PYROXD1: variants seen among roughly 807,000 people sequenced by gnomAD.
PYROXD1 encodes the protein tRNA ligase complex-associated NAD(P)H dehydrogenase PYROXD1.
In PYROXD1, 42 loss-of-function variants were observed where a neutral mutation model predicts 62.0. The observed-to-expected ratio is 0.68, with a 90% CI of 0.53 to 0.88. PYROXD1 has a LOEUF of 0.88. Ranked by LOEUF, PYROXD1 falls within the 40% of genes least tolerant of loss-of-function variation. PYROXD1 has a pLI of 0.00. For synonymous variants in PYROXD1, 170 were observed against 206.4 expected (o/e 0.82, Z 1.51); for missense variants, 493 against 604.8 (o/e 0.82, Z 1.94).
intron 10 of PYROXD1, among the ~76,000 whole-genome samples, chr12:21,466,410 T>C (rs28886017): frequency 0.11 from 16,755 of 151,558 alleles, 1,001 homozygotes; most frequent in East Asian, 0.31. Flanking sequence ...TTCCTAGGTA[T>C]TTTATTCTCT....
rs779818561 is a variant in PYROXD1 at position 21,471,032 on chromosome 12, A to C, written c.*2278A>C. The stretch of plus-strand genomic sequence containing the variant: ...TAATAGCATGTGCCTCATTGTTCAG[A>C]AGATTAGCTTTAGGTCCTATTTTCA... On this transcript the variant is annotated 3_prime_UTR_variant, in exon 12 of 12. Coordinates refer to ENST00000240651, the MANE Select transcript of PYROXD1 (RefSeq NM_024854.5). The C allele has an allele frequency of 6.9e-6, 11 of 1,601,812 alleles. No individual in the cohort carries two copies. In the African/African-American group the frequency reaches 1.5e-4, roughly 22 times the overall value.
Position 21,467,601 on chromosome 12 carries a change from A to G in PYROXD1, c.1237A>G (p.Lys413Glu), listed in dbSNP as rs2137292781. The G allele has an allele frequency of 1.9e-6, 3 of 1,611,068 alleles. No individual in the cohort carries two copies. Among genetic ancestry groups the G allele is most frequent in the Admixed American group, 1.7e-5 (1 of 59,652 alleles). Residue 413 changes from lysine (K) to glutamate (E), a missense_variant, in exon 11 of 12, where the codon AAA becomes GAA. Transcript: ENST00000240651. ...CTTTGAACTGTTTGCTCATGTGACAAAATTTTTTAACTATAAGGTAAGATA... is the reference window on the plus strand; with the variant it reads ...CTTTGAACTGTTTGCTCATGTGACAGAATTTTTTAACTATAAGGTAAGATA... The part of the protein sequence containing the change: ...FSFELFAHVT[K>E]FFNYKVVLLG...
chr12:21,457,399 G>A (rs562865441), intron 7 of PYROXD1, among the ~76,000 whole-genome samples: 11 of 151,608 alleles, frequency 7.3e-5, no homozygotes, highest in African/African-American at 2.7e-4. Context: ...GTGACCAAAT[G>A]CCTTGTCAAT....
intron 4 of PYROXD1, among the ~76,000 whole-genome samples, chr12:21,450,782 C>G (rs576128629): frequency 6.6e-6 from 1 of 152,240 alleles, no homozygotes; most frequent in Admixed American, 6.5e-5. Flanking sequence ...AATTTAAGTT[C>G]ATATTATCAG....
chr12:21,443,917 T>C (rs1404905501), intron 2 of PYROXD1, among the ~76,000 whole-genome samples: 1 of 152,216 alleles, frequency 6.6e-6, no homozygotes, highest in Non-Finnish European at 1.5e-5. Flanking sequence ...GGAAAAATTA[T>C]AGCTATTAAT....
At chr12:21,450,120 G>GGCC (rs111255312) in intron 4 of PYROXD1, among the ~76,000 whole-genome samples, 8,642 of 151,396 alleles carry the variant, frequency 0.057, 323 homozygotes, top group African/African-American at 0.1. Flanking sequence ...CGCCCACCTA[G>GGCC]GCCTCCCAGA....
In PYROXD1 at chr12:21,456,035, T is replaced by G; in HGVS notation, c.690T>G (p.Asn230Lys). ...KEARSKSKAD[N>K]VGSALGPDWH... ...CTAGAAGCAAATCTAAAGCAGATAA[T>G]GTAGGAAGTGCATTGGGACCAGATT... The change falls in exon 7 of 12, where the codon AAT (asparagine) becomes AAG (lysine). Residue 230 changes from asparagine (N) to lysine (K), a missense_variant. By Grantham distance (94) the Asn-to-Lys change is moderately conservative (BLOSUM62 0). Transcript: ENST00000240651. 1.2e-6 allele frequency: 2 copies of G among 1,611,882 alleles called. No homozygotes were observed. The highest frequency in any genetic ancestry group is 1.7e-6 in the Non-Finnish European group (2 of 1,178,826).
Position 21,455,186 on chromosome 12 carries a change from G to A in PYROXD1, c.543G>A (p.Gly181=), listed in dbSNP as rs765016883. ...GGGCCATTAAAGATAAAGCTATAGGGAATACTTTCTTCGATGCAGGAGCAG... is the reference window on the plus strand; with the variant it reads ...GGGCCATTAAAGATAAAGCTATAGGAAATACTTTCTTCGATGCAGGAGCAG... ...VIWAIKDKAI[G]NTFFDAGAAE... is the part of the protein sequence containing the mutation. The change falls in exon 6 of 12, where the codon GGG becomes GGA. Residue 181 remains glycine, a synonymous_variant. Transcript: ENST00000240651. The A allele has an allele frequency of 7.6e-6, 12 of 1,568,804 alleles. No homozygotes were observed.
In PYROXD1 at chr12:21,437,809, G is replaced by A. The variant is rs1366663357; in HGVS notation, c.79G>A (p.Glu27Lys). Reference sequence around the variant, plus strand: ...CGGCATCGCGGGCGTCACTTGTGCGGAGCAGGTAGGGCGGTGCTCAGGCGG... The same window carrying A: ...CGGCATCGCGGGCGTCACTTGTGCGAAGCAGGTAGGGCGGTGCTCAGGCGG... ...GGGIAGVTCA[E>K]QLATHFPSED... Residue 27 changes from glutamate to lysine, a missense_variant, in exon 1 of 12, where the codon GAG becomes AAG. Around this residue, in one of 2 missense-constraint regions of PYROXD1, gnomAD observed 164 missense variants for 158.2 expected, o/e 1.04. Coordinates refer to ENST00000240651, the MANE Select transcript of PYROXD1 (RefSeq NM_024854.5). 22 of 1,612,396 alleles carry A rather than the reference G, an allele frequency of 1.4e-5. No individual in the cohort carries two copies. Among genetic ancestry groups the A allele is most frequent in the Non-Finnish European group, 1.6e-5 (19 of 1,179,554 alleles).
At chr12:21,441,094 C>T (rs7131777) in intron 2 of PYROXD1, 74,823 of 152,020 alleles carry the variant, frequency 0.49, 18,480 homozygotes, top group Middle Eastern at 0.58. Context: ...ACGATCTTGG[C>T]TCACTGCAAG....
rs1028300387 is a variant in PYROXD1 at position 21,445,044 on chromosome 12, A to G, written c.166-303A>G. On this transcript the variant is annotated intron_variant, in intron 2 of 11. Transcript: ENST00000240651. Reference sequence around the variant, plus strand: ...AGCTTGAAGGATAAGGAAATAAATAAGCTGTTTGGCTAAACTGTAGAAATG... The same window carrying G: ...AGCTTGAAGGATAAGGAAATAAATAGGCTGTTTGGCTAAACTGTAGAAATG... 3.5e-4 allele frequency among the ~76,000 whole-genome samples: 53 copies of G among 152,204 alleles called. 1 individual carries two copies. Among genetic ancestry groups the G allele is most frequent in the Admixed American group, 2.2e-3 (34 of 15,282 alleles).
chr12:21,438,835 G>A (rs1350245312), intron 1 of PYROXD1, among the ~76,000 whole-genome samples: 1 of 152,086 alleles, frequency 6.6e-6, no homozygotes, highest in Non-Finnish European at 1.5e-5. Context: ...CATATATGAT[G>A]CAGGCACCGT....
At chr12:21,455,712 A>C (rs2137269383) in intron 6 of PYROXD1, among the ~76,000 whole-genome samples, 1 of 152,010 alleles carries the variant, frequency 6.6e-6, no homozygotes, top group Non-Finnish European at 1.5e-5. Flanking sequence ...AAAATTATAA[A>C]AATTTGAAGG....
chr12:21,456,947 A>G, intron 7 of PYROXD1: 1 of 438,208 alleles, frequency 2.3e-6, no homozygotes, highest in Non-Finnish European at 4.5e-6. Context: ...ACAACAACTC[A>G]TCTTTTCAAA....
chr12:21,462,993 A>T, intron 10 of PYROXD1, 131 bp downstream of exon 10: 1 of 721,214 alleles, frequency 1.4e-6, no homozygotes, highest in Non-Finnish European at 2.1e-6. Context: ...CAGTTGTTAT[A>T]TATATTTAAA....
At chr12:21,458,843 C>T (rs1273413653) in intron 7 of PYROXD1, among the ~76,000 whole-genome samples, 1 of 152,012 alleles carries the variant, frequency 6.6e-6, no homozygotes, top group African/African-American at 2.4e-5. Flanking sequence ...TCACAGATCA[C>T]CATAAAAGAT....
At chr12:21,440,856 GTTT>G (rs1216993878) in intron 2 of PYROXD1, among the ~76,000 whole-genome samples, 1 of 152,000 alleles carries the variant, frequency 6.6e-6, no homozygotes, top group Non-Finnish European at 1.5e-5. Flanking sequence ...TAATTGTTGG[GTTT>G]TTATTATGAA....
At chr12:21,452,966 A>G in intron 5 of PYROXD1, among the ~76,000 whole-genome samples, 1 of 152,016 alleles carries the variant, frequency 6.6e-6, no homozygotes, top group Middle Eastern at 3.2e-3. Context: ...AGCCTGTAAG[A>G]GTTCTTAAAT....
At chr12:21,442,244 G>T (rs928168384) in intron 2 of PYROXD1, among the ~76,000 whole-genome samples, 1 of 152,174 alleles carries the variant, frequency 6.6e-6, no homozygotes, top group Non-Finnish European at 1.5e-5. Context: ...AGGCATACAC[G>T]GAGGAATTAA....
Sources: gnomAD v4.1 joint callset for allele counts (sites outside exome capture counted in the v4.1 genomes callset) on GRCh38, gnomAD v4.1.1 for gene constraint, gnomAD v4.1.1 regional missense constraint, MANE v1.5 for transcripts, NCBI Gene and HGNC (gene_info 2026-07-23, HGNC 2026-07-21) for gene names.